Variants in DOCK9 observed in about 807,000 individuals in gnomAD.
DOCK9 encodes the protein dedicator of cytokinesis protein 9.
DOCK9 carries 89 observed loss-of-function variants against 263.3 expected under a neutral mutation model. The ratio of observed to expected loss-of-function variants is 0.34; its 90% confidence interval spans 0.28 to 0.40. DOCK9 has a LOEUF of 0.40. DOCK9 is among the 10% of genes least tolerant of loss of function. The pLI is 1.00. For synonymous variants in DOCK9, 976 were observed against 973.1 expected, an observed-to-expected ratio of 1.00 and a Z score of -0.06; for missense variants, 2,140 against 2,603.4, an observed-to-expected ratio of 0.82 and a Z score of 3.87.
intron 2 of DOCK9, among the ~76,000 whole-genome samples, chr13:98,949,029 CTT>C (rs1198593947): frequency 6.6e-6 from 1 of 152,176 alleles, no homozygotes; most frequent in Non-Finnish European, 1.5e-5. Flanking sequence ...ACAAATCTCT[CTT>C]TGAGTCCCTG....
At chr13:99,047,517 C>CTA (rs758736026) in intron 1 of DOCK9, among the ~76,000 whole-genome samples, 2 of 127,024 alleles carry the variant, frequency 1.6e-5, no homozygotes, top group East Asian at 4.6e-4. Flanking sequence ...GGTTCTAATC[C>CTA]TTTTTTTTTT....
In DOCK9 at chr13:98,885,717, C is replaced by T; in HGVS notation, c.2251G>A (p.Glu751Lys). 6.2e-7 allele frequency: 1 copy of T among 1,610,626 alleles called. No homozygotes were observed. Among genetic ancestry groups the T allele is most frequent in the South Asian group, 1.1e-5 (1 of 90,062 alleles). Reference protein sequence around the residue: ...KGSTKKRDVVETQVGYSWLPL... With the variant: ...KGSTKKRDVVKTQVGYSWLPL... The stretch of plus-strand genomic sequence containing the variant: ...GGTAAGCCCCCCCAACCTTGGGTTT[C>T]AACGACATCCCTCTTCTTCGTGCTT... The change falls in exon 20 of 53, where the codon GAA (glutamate) becomes AAA (lysine). Residue 751 changes from glutamate (E) to lysine (K), a missense_variant. By Grantham distance (56) the Glu-to-Lys change is moderately conservative (BLOSUM62 1). This residue lies in a region of DOCK9 where 1,521 missense variants were observed against 1,741.7 expected (regional missense o/e 0.87). Coordinates refer to ENST00000682017, the MANE Select transcript of DOCK9 (RefSeq NM_001366683.2).
intron 30 of DOCK9, among the ~76,000 whole-genome samples, chr13:98,866,044 C>A (rs1342866558): frequency 6.6e-6 from 1 of 152,134 alleles, no homozygotes; most frequent in Non-Finnish European, 1.5e-5. Flanking sequence ...GTTCTCTCAG[C>A]CCAGAAAAAG....
chr13:99,006,233 T>A (rs7992813), intron 1 of DOCK9, among the ~76,000 whole-genome samples: 42,443 of 152,118 alleles, frequency 0.28, 5,954 homozygotes, highest in Middle Eastern at 0.42. Flanking sequence ...GCCAGGATCA[T>A]ATATAAAAAA....
intron 47 of DOCK9, 35 bp downstream of exon 47, chr13:98,809,317 C>A: frequency 1.3e-6 from 2 of 1,538,920 alleles, no homozygotes; most frequent in Non-Finnish European, 1.8e-6. Flanking sequence ...TTTTAAAGGA[C>A]TTAGGACAGT....
At chr13:98,993,130 C>A (rs754671669) in intron 1 of DOCK9, among the ~76,000 whole-genome samples, 31 of 152,192 alleles carry the variant, frequency 2.0e-4, no homozygotes, top group Non-Finnish European at 4.1e-4. Context: ...AAGTGTAAAA[C>A]ACAGCCTCTT....
At chr13:98,991,230 C>T (rs975349708) in intron 1 of DOCK9, among the ~76,000 whole-genome samples, 6 of 152,144 alleles carry the variant, frequency 3.9e-5, no homozygotes, top group Non-Finnish European at 8.8e-5. Flanking sequence ...CACCACCATG[C>T]CCGGCTGATT....
chr13:98,938,971 C>A (rs2055359467), intron 2 of DOCK9, among the ~76,000 whole-genome samples: 1 of 152,222 alleles, frequency 6.6e-6, no homozygotes, highest in Non-Finnish European at 1.5e-5. Context: ...ATCTCTGCTG[C>A]TCAAAGGTGC....
At chr13:99,004,784 G>GACACACACACAC (rs10533387) in intron 1 of DOCK9, among the ~76,000 whole-genome samples, 57 of 148,146 alleles carry the variant, frequency 3.8e-4, no homozygotes, top group Non-Finnish European at 4.6e-4. Flanking sequence ...AAAAACTATA[G>GACACACACACAC]ACACACACAC....
At chr13:98,868,166 T>C in intron 28 of DOCK9, 65 bp downstream of exon 28, 1 of 1,596,086 alleles carries the variant, frequency 6.3e-7, no homozygotes, top group Non-Finnish European at 8.6e-7. Context: ...GTCACCCTGC[T>C]AGACAGCTGG....
At chr13:98,926,729 A>C (rs2140197098) in intron 3 of DOCK9, among the ~76,000 whole-genome samples, 1 of 152,390 alleles carries the variant, frequency 6.6e-6, no homozygotes, top group East Asian at 1.9e-4. Context: ...AGCTTAGTTC[A>C]AATGATCTTC....
chr13:98,886,761 G>T, intron 18 of DOCK9, 137 bp from the exon 19 acceptor site: 1 of 754,888 alleles, frequency 1.3e-6, no homozygotes, highest in Non-Finnish European at 2.1e-6. Context: ...AGGCCTGTGA[G>T]CCCCGGACTG....
At chr13:98,903,248 T>C (rs1413492581) in intron 10 of DOCK9, 136 bp from the exon 11 acceptor site, 3 of 700,028 alleles carry the variant, frequency 4.3e-6, no homozygotes, top group East Asian at 6.4e-5. Flanking sequence ...GTTGCTATTA[T>C]ATAATCGGTT....
Position 98,880,529 on chromosome 13 carries a change from C to G in DOCK9, c.2871+18G>C. 6.2e-7 allele frequency: 1 copy of G among 1,613,674 alleles called. No homozygotes were observed. The highest frequency in any genetic ancestry group is 1.1e-5 in the South Asian group (1 of 90,972). ...TTAATCAGTTTCAATCAGAGCCACACTGACTCTCCTGACATACCTTCAGTA... is the reference window on the plus strand; with the variant it reads ...TTAATCAGTTTCAATCAGAGCCACAGTGACTCTCCTGACATACCTTCAGTA... On this transcript the variant is annotated intron_variant, in intron 26 of 52. Coordinates refer to ENST00000682017, the MANE Select transcript of DOCK9 (RefSeq NM_001366683.2).
intron 1 of DOCK9, among the ~76,000 whole-genome samples, chr13:99,071,306 C>CCTTTTTTTTT (rs1286343497): frequency 6.1e-5 from 3 of 49,320 alleles, no homozygotes; most frequent in East Asian, 6.7e-4. Context: ...CCATGCCTGG[C>CCTTTTTTTTT]TTTTTTTTTT....
At chr13:99,016,293 T>C (rs1885404825) in intron 1 of DOCK9, among the ~76,000 whole-genome samples, 3 of 152,188 alleles carry the variant, frequency 2.0e-5, no homozygotes, top group African/African-American at 4.8e-5. Context: ...TTTGCACGTA[T>C]GGATAACAGC....
chr13:99,026,113 C>G (rs1886658612), intron 1 of DOCK9, among the ~76,000 whole-genome samples: 1 of 93,112 alleles, frequency 1.1e-5, no homozygotes, highest in East Asian at 3.7e-4. Flanking sequence ...TTCCCTAGGG[C>G]TAGGGGGTTG....
chr13:98,798,793 T>A (rs1327800599), intron 50 of DOCK9, among the ~76,000 whole-genome samples: 4 of 152,224 alleles, frequency 2.6e-5, no homozygotes, highest in Non-Finnish European at 5.9e-5. Flanking sequence ...GGTATGAGTA[T>A]AAACTTAATC....
intron 9 of DOCK9, among the ~76,000 whole-genome samples, chr13:98,907,381 A>G (rs1018931295): frequency 1.3e-5 from 2 of 152,248 alleles, no homozygotes; most frequent in African/African-American, 4.8e-5. Context: ...TTTCTGAAAG[A>G]TGCTTGTTGT....
Sources: allele counts gnomAD v4.1 joint callset (sites outside exome capture counted in the v4.1 genomes callset), GRCh38; gene constraint gnomAD v4.1.1; regional missense constraint gnomAD v4.1.1; transcripts MANE v1.5; gene names NCBI Gene and HGNC (gene_info 2026-07-23, HGNC 2026-07-21).